Variants in ENPP3 observed in about 807,000 individuals in gnomAD.
ENPP3 encodes the protein ectonucleotide pyrophosphatase/phosphodiesterase 3.
ENPP3 carries 104 observed loss-of-function variants against 117.8 expected under a neutral mutation model. That is an observed-to-expected ratio of 0.88 (90% CI 0.75 to 1.04). The LOEUF (loss-of-function observed/expected upper bound fraction) is 1.04. Ranked by LOEUF, ENPP3 falls within the 50% of genes least tolerant of loss-of-function variation. The probability of loss-of-function intolerance (pLI) is 0.00; values close to 1 mark genes in which losing one functional copy is unlikely to be tolerated. For missense variants in ENPP3, 1,026 were observed against 1,051.9 expected (o/e 0.98, Z 0.34); for synonymous variants, 380 against 349.9 (o/e 1.09, Z -0.96).
intron 14 of ENPP3, among the ~76,000 whole-genome samples, chr6:131,688,990 C>T (rs771900861): frequency 4.6e-5 from 7 of 151,998 alleles, no homozygotes; most frequent in South Asian, 2.1e-4. Context: ...TGCTTGAACC[C>T]GGAAGGCGGA....
chr6:131,666,494 A>G (rs1178047157), intron 6 of ENPP3, among the ~76,000 whole-genome samples: 1 of 152,100 alleles, frequency 6.6e-6, no homozygotes, highest in African/African-American at 2.4e-5. Context: ...TGCATATATT[A>G]ATCCACATGT....
rs144124530 is a variant in ENPP3 at position 131,733,081 on chromosome 6, C to G, written c.1954-507C>G. Among the ~76,000 whole-genome samples, 888 of 152,178 alleles carry G rather than the reference C, an allele frequency of 5.8e-3. 6 individuals carry two copies. The highest frequency in any genetic ancestry group is 0.02 in the African/African-American group (850 of 41,534). Reference sequence around the variant, plus strand: ...ATATTTCATGATGAATGAAGCATGGCTGTAAATTTATTTATATTCAAAACT... The same window carrying G: ...ATATTTCATGATGAATGAAGCATGGGTGTAAATTTATTTATATTCAAAACT... On this transcript the variant is annotated intron_variant, in intron 20 of 24. Coordinates refer to ENST00000357639, the MANE Select transcript of ENPP3 (RefSeq NM_005021.5).
At chr6:131,656,873 C>T (rs1778396238) in intron 5 of ENPP3, among the ~76,000 whole-genome samples, 1 of 151,904 alleles carries the variant, frequency 6.6e-6, no homozygotes, top group Non-Finnish European at 1.5e-5. Context: ...TTCATGTCAG[C>T]AGAATGTAAA....
intron 6 of ENPP3, among the ~76,000 whole-genome samples, chr6:131,663,434 C>T (rs1778545719): frequency 6.6e-6 from 1 of 150,614 alleles, no homozygotes; most frequent in Non-Finnish European, 1.5e-5. Context: ...TATCTGCAAT[C>T]CTAGCACTTC....
chr6:131,734,145 G>A (rs74472819), intron 21 of ENPP3, among the ~76,000 whole-genome samples: 2,113 of 152,248 alleles, frequency 0.014, 54 homozygotes, highest in African/African-American at 0.048. Flanking sequence ...GAATGATACA[G>A]AGAAGGTCAC....
chr6:131,645,653 A>T (rs560448023), intron 2 of ENPP3, among the ~76,000 whole-genome samples: 22 of 152,300 alleles, frequency 1.4e-4, no homozygotes, highest in African/African-American at 5.1e-4. Flanking sequence ...CTAACCTAAC[A>T]CTTGACAGTT....
intron 11 of ENPP3, among the ~76,000 whole-genome samples, chr6:131,679,754 A>G (rs535111516): frequency 6.6e-6 from 1 of 152,262 alleles, no homozygotes; most frequent in African/African-American, 2.4e-5. Context: ...ACATAGGAGG[A>G]ACACATAAAA....
intron 20 of ENPP3, among the ~76,000 whole-genome samples, chr6:131,728,037 C>T (rs1780195595): frequency 6.6e-6 from 1 of 152,176 alleles, no homozygotes; most frequent in Admixed American, 6.5e-5. Flanking sequence ...ATTGTGGTCA[C>T]TGGTAACAGT....
chr6:131,743,344 T>G (rs1271728630), intron 24 of ENPP3, among the ~76,000 whole-genome samples: 1 of 152,180 alleles, frequency 6.6e-6, no homozygotes, highest in Admixed American at 6.5e-5. Context: ...CTGGGTTCAG[T>G]GAATGACTTC....
chr6:131,658,485 A>G, intron 6 of ENPP3, 65 bp downstream of exon 6: 1 of 860,846 alleles, frequency 1.2e-6, no homozygotes, highest in Non-Finnish European at 1.9e-6. Flanking sequence ...TCTCTAGAGG[A>G]TGCAACTTTC....
intron 2 of ENPP3, 46 bp from the exon 3 acceptor site, chr6:131,649,981 T>G: frequency 6.2e-7 from 1 of 1,611,538 alleles, no homozygotes; most frequent in South Asian, 1.1e-5. Flanking sequence ...GTATGAGATA[T>G]TGAATAGCTC....
chr6:131,671,425 C>A, intron 7 of ENPP3, 98 bp downstream of exon 7: 1 of 740,198 alleles, frequency 1.4e-6, no homozygotes, highest in South Asian at 1.6e-5. Context: ...TGTGACTTAC[C>A]CTTCTGAAGC....
intron 7 of ENPP3, among the ~76,000 whole-genome samples, chr6:131,673,197 A>AAT (rs779229952): frequency 6.3e-4 from 96 of 151,978 alleles, no homozygotes; most frequent in Admixed American, 3.2e-3. Context: ...AACTAGAAAA[A>AAT]ATATATATAT....
Position 131,651,238 on chromosome 6 carries a change from C to G in ENPP3, c.277+1089C>G, listed in dbSNP as rs185320443. ...CCCAGCCTCGGCAAGTAATTTGGAA[C>G]CATTTCTAAATAAGGTCACATTCAC... On this transcript the variant is annotated intron_variant, in intron 3 of 24. Coordinates refer to ENST00000357639, the MANE Select transcript of ENPP3 (RefSeq NM_005021.5). 4.3e-4 allele frequency among the ~76,000 whole-genome samples: 66 copies of G among 152,194 alleles called. No homozygotes were observed. The Middle Eastern group carries it at 0.01, about 24-fold the overall frequency.
At chr6:131,733,930 C>T (rs1330437242) in intron 21 of ENPP3, among the ~76,000 whole-genome samples, 1 of 152,152 alleles carries the variant, frequency 6.6e-6, no homozygotes, top group South Asian at 2.1e-4. Flanking sequence ...CACACAGCAG[C>T]TCTCATCTGG....
At position 131,683,127 on chromosome 6, in the gene ENPP3, A is replaced by G; in HGVS notation, c.1085A>G (p.His362Arg). ...GAAGGCCTGAAGCAGCGGAATTTGC[A>G]CAACTGTGTCAATATCATCCTTCTG... Reference protein sequence around the residue: ...LMEGLKQRNLHNCVNIILLAD... With the variant: ...LMEGLKQRNLRNCVNIILLAD... Residue 362 changes from histidine to arginine, a missense_variant, in exon 12 of 25, where the codon CAC becomes CGC. His to Arg is a conservative substitution (Grantham distance 29). Transcript: ENST00000357639. 1.2e-6 allele frequency: 2 copies of G among 1,610,902 alleles called. No homozygotes were observed. The highest frequency in any genetic ancestry group is 1.1e-5 in the South Asian group (1 of 90,984).
intron 6 of ENPP3, among the ~76,000 whole-genome samples, chr6:131,665,624 C>G (rs1187079495): frequency 6.6e-6 from 1 of 151,976 alleles, no homozygotes; most frequent in African/African-American, 2.4e-5. Flanking sequence ...AGTTTTCTCT[C>G]TTTTTCTTGG....
At chr6:131,647,569 A>G (rs1482460506) in intron 2 of ENPP3, among the ~76,000 whole-genome samples, 1 of 152,102 alleles carries the variant, frequency 6.6e-6, no homozygotes, top group South Asian at 2.1e-4. Flanking sequence ...ATAAATGTCT[A>G]TGTATTCATC....
At chr6:131,728,111 G>A (rs554564064) in intron 20 of ENPP3, among the ~76,000 whole-genome samples, 9 of 152,210 alleles carry the variant, frequency 5.9e-5, no homozygotes, top group Middle Eastern at 3.4e-3. Context: ...TCATATGGAC[G>A]GTTGGTGCAA....
Sources: allele counts gnomAD v4.1 joint callset (sites outside exome capture counted in the v4.1 genomes callset), GRCh38; gene constraint gnomAD v4.1.1; transcripts MANE v1.5; gene names NCBI Gene and HGNC (gene_info 2026-07-23, HGNC 2026-07-21).